SRGAP3: variants seen among roughly 807,000 people sequenced by gnomAD.
SRGAP3 encodes SLIT-ROBO Rho GTPase activating protein 3.
A neutral mutation model predicts 121.1 loss-of-function variants in SRGAP3; 39 were observed. That is an observed-to-expected ratio of 0.32 (90% CI 0.25 to 0.42). SRGAP3 has a LOEUF of 0.42. SRGAP3 is among the 10% of genes least tolerant of loss of function. The pLI is 1.00. For synonymous variants in SRGAP3, 601 were observed against 570.0 expected (o/e 1.05, Z -0.77); for missense variants, 1,213 against 1,470.6 (o/e 0.82, Z 2.86).
intron 1 of SRGAP3, among the ~76,000 whole-genome samples, chr3:9,351,488 T>C (rs2030150252): frequency 6.6e-6 from 1 of 152,088 alleles, no homozygotes; most frequent in Non-Finnish European, 1.5e-5. Flanking sequence ...GGGATCCCAA[T>C]TCACAAGCAT....
intron 10 of SRGAP3, among the ~76,000 whole-genome samples, chr3:9,041,040 CA>C (rs2125119815): frequency 6.6e-6 from 1 of 152,326 alleles, no homozygotes; most frequent in African/African-American, 2.4e-5. Context: ...AATGAATGAA[CA>C]AGTGCTCTAT....
intron 3 of SRGAP3, among the ~76,000 whole-genome samples, chr3:9,082,269 CTG>C: frequency 6.6e-6 from 1 of 152,358 alleles, no homozygotes; most frequent in East Asian, 1.9e-4. Flanking sequence ...GCCTGCAGAA[CTG>C]TGAGCCAATT....
At chr3:9,229,048 G>A (rs1421943473) in intron 1 of SRGAP3, among the ~76,000 whole-genome samples, 6 of 125,926 alleles carry the variant, frequency 4.8e-5, no homozygotes, top group Non-Finnish European at 7.9e-5. Flanking sequence ...CGGCCTGGGC[G>A]ACAGAGCGAG....
At chr3:9,031,215 T>C (rs916315956) in intron 12 of SRGAP3, among the ~76,000 whole-genome samples, 2 of 152,168 alleles carry the variant, frequency 1.3e-5, no homozygotes, top group Non-Finnish European at 2.9e-5. Context: ...CACTACTGAC[T>C]CCTTGAGGGA....
intron 3 of SRGAP3, among the ~76,000 whole-genome samples, chr3:9,273,270 C>T (rs772128047): frequency 2.0e-5 from 3 of 152,204 alleles, no homozygotes; most frequent in African/African-American, 4.8e-5. Context: ...TCACCTTCTG[C>T]TCTGCGGCCC....
intron 3 of SRGAP3, among the ~76,000 whole-genome samples, chr3:9,301,918 G>A (rs1214230007): frequency 6.6e-6 from 1 of 152,226 alleles, no homozygotes; most frequent in Non-Finnish European, 1.5e-5. Flanking sequence ...AACGGCAGTT[G>A]TTACTCTGAA....
At chr3:9,073,487 T>G (rs548850770) in intron 4 of SRGAP3, among the ~76,000 whole-genome samples, 4 of 152,328 alleles carry the variant, frequency 2.6e-5, no homozygotes, top group Non-Finnish European at 5.9e-5. Context: ...TTAATGTATT[T>G]ATATCACTAG....
chr3:9,079,684 ACT>A (rs1476466481), intron 4 of SRGAP3, among the ~76,000 whole-genome samples: 6 of 151,938 alleles, frequency 3.9e-5, no homozygotes, highest in Non-Finnish European at 8.8e-5. Context: ...TCACTCCAAA[ACT>A]CACATCCCTG....
At chr3:9,252,730 G>A (rs931716099), upstream of SRGAP3, among the ~76,000 whole-genome samples, 2 of 143,832 alleles carry the variant, frequency 1.4e-5, no homozygotes, top group South Asian at 2.5e-4. Flanking sequence ...CAGCCCTCCC[G>A]CTGCCCTCCT....
At chr3:9,276,826 C>A (rs1015847897) in intron 3 of SRGAP3, among the ~76,000 whole-genome samples, 2 of 152,222 alleles carry the variant, frequency 1.3e-5, no homozygotes, top group Admixed American at 6.5e-5. Context: ...TGCTTCAATT[C>A]TATCCTAAAT....
intron 1 of SRGAP3, among the ~76,000 whole-genome samples, chr3:9,223,670 T>C (rs1033136646): frequency 2.6e-5 from 4 of 152,142 alleles, no homozygotes; most frequent in African/African-American, 7.2e-5. Flanking sequence ...CAAACAAGAA[T>C]CACCCCTTCA....
chr3:9,183,347 G>A lies in SRGAP3; in HGVS notation c.68-58430C>T, dbSNP rs541647110. Reference sequence around the variant, plus strand: ...TCTCCCTTGAAAGCAGATTATAAATGTATACAATATCTAACTTCACAGAGA... The same window carrying A: ...TCTCCCTTGAAAGCAGATTATAAATATATACAATATCTAACTTCACAGAGA... On this transcript the variant is annotated intron_variant, in intron 1 of 21. Transcript: ENST00000383836. Among the ~76,000 whole-genome samples the A allele has an allele frequency of 2.0e-5, 3 of 152,306 alleles. No homozygotes were observed. The South Asian group carries it at 6.2e-4, about 32-fold the overall frequency.
chr3:9,034,183 A>G (rs1034102269), intron 11 of SRGAP3: 1 of 152,192 alleles, frequency 6.6e-6, no homozygotes, highest in Non-Finnish European at 1.5e-5. Flanking sequence ...GCCTGACTCA[A>G]TGGTGCCAGC....
intron 14 of SRGAP3, among the ~76,000 whole-genome samples, chr3:9,021,067 C>T (rs1943889020): frequency 6.6e-6 from 1 of 152,246 alleles, no homozygotes; most frequent in African/African-American, 2.4e-5. Flanking sequence ...GCAGTTCTCT[C>T]TGGCCACAGG....
intron 14 of SRGAP3, among the ~76,000 whole-genome samples, chr3:9,024,061 G>T (rs1944062110): frequency 2.6e-5 from 4 of 152,164 alleles, no homozygotes; most frequent in African/African-American, 9.7e-5. Flanking sequence ...GGGGAGCTAG[G>T]TAATAAGTAG....
chr3:9,082,457 T>C (rs960057731), intron 3 of SRGAP3, among the ~76,000 whole-genome samples: 1 of 152,200 alleles, frequency 6.6e-6, no homozygotes, highest in Non-Finnish European at 1.5e-5. Context: ...TCACCAGACA[T>C]CAAATCTGTC....
At chr3:9,354,667 G>A (rs1218897366) in intron 1 of SRGAP3, among the ~76,000 whole-genome samples, 1 of 139,712 alleles carries the variant, frequency 7.2e-6, no homozygotes, top group Non-Finnish European at 1.5e-5. Flanking sequence ...GGGTGACAGA[G>A]CGAGACTCCA....
chr3:9,057,288 C>T (rs557602040), intron 7 of SRGAP3, among the ~76,000 whole-genome samples: 40 of 152,294 alleles, frequency 2.6e-4, no homozygotes, highest in Middle Eastern at 6.8e-3. Flanking sequence ...GTGCACCTCA[C>T]CCCTTCCAGG....
At chr3:9,060,656 T>C (rs1015378746) in intron 5 of SRGAP3, among the ~76,000 whole-genome samples, 1 of 152,092 alleles carries the variant, frequency 6.6e-6, no homozygotes, top group East Asian at 1.9e-4. Flanking sequence ...CCCAGGCTGA[T>C]CTGGAACTCC....
Sources: gnomAD v4.1 joint callset for allele counts (sites outside exome capture counted in the v4.1 genomes callset) on GRCh38, gnomAD v4.1.1 for gene constraint, MANE v1.5 for transcripts, NCBI Gene and HGNC (gene_info 2026-07-23, HGNC 2026-07-21) for gene names.